The following CSPG4 variants were observed in gnomAD, a reference collection of about 807,000 sequenced individuals.
The protein encoded by CSPG4 is chondroitin sulfate proteoglycan 4.
A neutral mutation model predicts 139.3 loss-of-function variants in CSPG4; 74 were observed. The ratio of observed to expected loss-of-function variants is 0.53; its 90% CI spans 0.44 to 0.64. The LOEUF is 0.64. CSPG4 is among the 30% of genes least tolerant of loss of function. The pLI, the probability that CSPG4 is intolerant of heterozygous loss-of-function variation, is 0.00. For missense variants in CSPG4, 2,565 were observed against 3,148.3 expected (o/e 0.81, Z 4.43); for synonymous variants, 1,234 against 1,394.2 (o/e 0.89, Z 2.56).
chr15:75,685,887 G>A (rs973207524), intron 3 of CSPG4, among the ~76,000 whole-genome samples, 186 bp from the exon 4 acceptor site: 2 of 152,138 alleles, frequency 1.3e-5, no homozygotes, highest in African/African-American at 4.8e-5. Flanking sequence ...CATGCAGCTG[G>A]TCACATTTTT....
At chr15:75,703,926 G>A (rs1347764388) in intron 1 of CSPG4, among the ~76,000 whole-genome samples, 1 of 96,680 alleles carries the variant, frequency 1.0e-5, no homozygotes, top group East Asian at 2.4e-4. Context: ...GGTACAAGAT[G>A]GGGTGGTCTG....
At position 75,690,650 on chromosome 15, in the gene CSPG4, G is replaced by A. The variant is rs150562073; in HGVS notation, c.415C>T (p.Pro139Ser). Residue 139 changes from proline to serine, a missense_variant, in exon 3 of 10, where the codon CCC becomes TCC. Physicochemically the swap from Pro to Ser is moderately conservative, Grantham distance 74 (BLOSUM62 -1). Around this residue, in one of 5 missense-constraint regions of CSPG4, gnomAD observed 132 missense variants for 132.3 expected, o/e 1.00. Transcript: ENST00000308508. ...LNASSAVPGAPLEVPYGLFVG... is the reference protein window; with the variant it reads ...LNASSAVPGASLEVPYGLFVG... Reference sequence around the variant, plus strand: ...AAGAGCCCATAGGGGACCTCTAGGGGGGCTCCTGGGACTGCTGAGGAGGCG... The same window carrying A: ...AAGAGCCCATAGGGGACCTCTAGGGAGGCTCCTGGGACTGCTGAGGAGGCG... The A allele has an allele frequency of 1.6e-5, 25 of 1,612,078 alleles. No individual in the cohort carries two copies. The highest frequency in any genetic ancestry group is 2.0e-5 in the Non-Finnish European group (24 of 1,179,946).
intron 1 of CSPG4, among the ~76,000 whole-genome samples, chr15:75,710,585 T>C (rs1002904619): frequency 5.3e-5 from 8 of 152,158 alleles, no homozygotes; most frequent in Non-Finnish European, 1.2e-4. Flanking sequence ...TTGGCCCAGA[T>C]GGCCTCTAGG....
chr15:75,692,865 A>G (rs1390685663), intron 2 of CSPG4, among the ~76,000 whole-genome samples: 1 of 152,082 alleles, frequency 6.6e-6, no homozygotes, highest in Non-Finnish European at 1.5e-5. Context: ...GGCGGGAAAC[A>G]TGGTTGGAGG....
At position 75,677,227 on chromosome 15, in the gene CSPG4, C is replaced by A; in HGVS notation, c.5292G>T (p.Glu1764Asp). The change falls in exon 10 of 10, where the codon GAG (glutamate) becomes GAT (aspartate). Residue 1764 changes from glutamate (E) to aspartate (D), a missense_variant. By Grantham distance (45) the Glu-to-Asp change is conservative (BLOSUM62 2). Transcript: ENST00000308508. The part of the protein sequence containing the change: ...FPSRGQLLVS[E>D]EPLHAGQPHF... Reference sequence around the variant, plus strand: ...GGGGCTGCCCAGCATGGAGGGGCTCCTCGGACACCAACAGCTGGCCCCGGC... The same window carrying A: ...GGGGCTGCCCAGCATGGAGGGGCTCATCGGACACCAACAGCTGGCCCCGGC... 1 of 1,479,994 alleles carries A rather than the reference C, an allele frequency of 6.8e-7. No homozygotes were observed. Among genetic ancestry groups the A allele is most frequent in the South Asian group, 1.4e-5 (1 of 69,858 alleles). The allele number at this position is 1,479,994 out of a possible 1,614,324, so 91.7% of individuals were successfully genotyped here.
chr15:75,678,456 G>A (rs962414159), intron 8 of CSPG4: 5 of 356,248 alleles, frequency 1.4e-5, no homozygotes, highest in African/African-American at 4.3e-5. Context: ...GGGCTCAAGC[G>A]ATCCTCCCAC....
rs1185897331 is a variant in CSPG4 at position 75,676,958 on chromosome 15, G to T, written c.5561C>A (p.Ala1854Asp). ...TRGSRAPISR[A>D]QLSVVDPDSA... ...GTCTGGGTCCACCACACTCAGCTGG[G>T]CCCGGGAGATGGGGGCACGAGAGCC... The change falls in exon 10 of 10, where the codon GCC (alanine) becomes GAC (aspartate). Residue 1854 changes from alanine (A) to aspartate (D), a missense_variant. Transcript: ENST00000308508. 3 of 1,511,242 alleles carry T rather than the reference G, an allele frequency of 2.0e-6. No individual in the cohort carries two copies. The highest frequency in any genetic ancestry group is 4.3e-5 in the Admixed American group (2 of 46,582). The allele number at this position is 1,511,242 out of a possible 1,614,324, so 93.6% of individuals were successfully genotyped here. A position where few individuals can be genotyped will look rare whatever the true frequency, so the allele number is the denominator to read the frequency against.
chr15:75,682,186 C>T (rs1407788007), intron 8 of CSPG4, 107 bp downstream of exon 8: 49 of 1,395,736 alleles, frequency 3.5e-5, no homozygotes, highest in Non-Finnish European at 4.9e-5. Flanking sequence ...GGAACGTCTG[C>T]TGCCAGTGAT....
chr15:75,687,381 C>T lies in CSPG4; in HGVS notation c.3684G>A (p.Val1228=), dbSNP rs559836427. ...CCAGTGGGCCCTCTAGGGCAATGGT[C>T]ACTTGTAGGGTGGCATCCGTGTGCA... ...GPVHTDATLQ[V]TIALEGPLAP... The change falls in exon 3 of 10, where the codon GTG becomes GTA. Residue 1228 remains valine (V), a synonymous_variant. Coordinates refer to ENST00000308508, the MANE Select transcript of CSPG4 (RefSeq NM_001897.5). This position sits in a 1 kb window ranked among gnomAD's most constrained non-coding sequence, Gnocchi z 5.4. The T allele has an allele frequency of 6.2e-7, 1 of 1,612,968 alleles. No individual in the cohort carries two copies. The highest frequency in any genetic ancestry group is 1.7e-5 in the Admixed American group (1 of 60,034).
rs144233988 is a variant in CSPG4, at chr15:75,689,065, C to A, written c.2000G>T (p.Arg667Leu). The A allele has an allele frequency of 1.2e-6, 2 of 1,609,734 alleles. No individual in the cohort carries two copies. The highest frequency in any genetic ancestry group is 1.1e-5 in the South Asian group (1 of 90,904). The change falls in exon 3 of 10, where the codon CGC becomes CTC. Residue 667 changes from arginine to leucine, a missense_variant. Coordinates refer to ENST00000308508, the MANE Select transcript of CSPG4 (RefSeq NM_001897.5). Reference protein sequence around the residue: ...VAIRPAIQIHRSTGLRLAQGS... With the variant: ...VAIRPAIQIHLSTGLRLAQGS... Reference sequence around the variant, plus strand: ...TTGGGCCAGTCGCAACCCTGTGCTGCGGTGGATCTGTATGGCCGGCCGGAT... The same window carrying A: ...TTGGGCCAGTCGCAACCCTGTGCTGAGGTGGATCTGTATGGCCGGCCGGAT...
In CSPG4 at chr15:75,689,427, G is replaced by T. The variant is rs1487835635; in HGVS notation, c.1638C>A (p.Val546=). The T allele has an allele frequency of 3.1e-6, 5 of 1,612,684 alleles. No homozygotes were observed. The highest frequency in any genetic ancestry group is 3.3e-5 in the Admixed American group (2 of 59,992). ...TGTGGGGTGGGTCATTGACAGGGTT[G>T]ACCTGGATGGGCAGGAGGTATGTTT... ...RGQTYLLPIQ[V]NPVNDPPHII... The change falls in exon 3 of 10, where the codon GTC becomes GTA. Residue 546 remains valine, a synonymous_variant. Transcript: ENST00000308508.
chr15:75,706,644 C>T (rs1280653114), intron 1 of CSPG4, among the ~76,000 whole-genome samples: 1 of 151,788 alleles, frequency 6.6e-6, no homozygotes, highest in Non-Finnish European at 1.5e-5. Flanking sequence ...CTGGGGGTGG[C>T]GATACTGGAG....
At chr15:75,684,129 G>C (rs1292550326) in intron 5 of CSPG4, among the ~76,000 whole-genome samples, 1 of 149,816 alleles carries the variant, frequency 6.7e-6, no homozygotes, top group East Asian at 2.0e-4. Flanking sequence ...ATGCACCCCA[G>C]AAGCTGGGGT....
chr15:75,699,626 G>T (rs1194865383), intron 1 of CSPG4, among the ~76,000 whole-genome samples: 1 of 152,218 alleles, frequency 6.6e-6, no homozygotes, highest in Non-Finnish European at 1.5e-5. Context: ...CAACCCTGGG[G>T]CCTTGTGGAG....
At chr15:75,704,910 G>A (rs1361783313) in intron 1 of CSPG4, among the ~76,000 whole-genome samples, 1 of 152,188 alleles carries the variant, frequency 6.6e-6, no homozygotes. Flanking sequence ...CACGTCCCTG[G>A]GCCCTGGCCT....
chr15:75,710,401 C>T (rs950752263), intron 1 of CSPG4, among the ~76,000 whole-genome samples: 2 of 152,312 alleles, frequency 1.3e-5, no homozygotes, highest in South Asian at 2.1e-4. Context: ...AGCTGGACAC[C>T]GCATCTGTCA....
At position 75,676,842 on chromosome 15, in the gene CSPG4, G is replaced by T; in HGVS notation, c.5677C>A (p.Arg1893Ser). 1 of 1,558,510 alleles carries T rather than the reference G, an allele frequency of 6.4e-7. No individual in the cohort carries two copies. The highest frequency in any genetic ancestry group is 2.3e-5 in the East Asian group (1 of 44,196). Residue 1893 changes from arginine to serine, a missense_variant, in exon 10 of 10, where the codon CGC (arginine) becomes AGC (serine). Transcript: ENST00000308508. Reference protein sequence around the residue: ...LVGGGLGPVTRFTQADVDSGR... With the variant: ...LVGGGLGPVTSFTQADVDSGR... The stretch of plus-strand genomic sequence containing the variant: ...GAATCCACATCGGCTTGCGTGAAGC[G>T]GGTCACGGGCCCCAGGCCACCACCC...
Position 75,683,009 on chromosome 15 carries a change from C to T in CSPG4, c.4482G>A (p.Ala1494=), listed in dbSNP as rs753371543. 8.7e-6 allele frequency: 14 copies of T among 1,610,952 alleles called. No homozygotes were observed. Among genetic ancestry groups the T allele is most frequent in the South Asian group, 2.2e-5 (2 of 90,988 alleles). The change falls in exon 6 of 10, where the codon GCG becomes GCA. Residue 1494 remains alanine (A), a synonymous_variant. Transcript: ENST00000308508. ...CGCCGTCCGTGCTCCTCAGAGCCTC[C>T]GCAGGGATGGGCGCAGTGGCCCCCT... ...MWEGATAPIP[A]EALRSTDGDS... is the part of the protein sequence containing the mutation.
rs867651132 is a variant in CSPG4, at chr15:75,705,790, A to C, written c.88+6878T>G. 2.6e-5 allele frequency among the ~76,000 whole-genome samples: 4 copies of C among 152,092 alleles called. No homozygotes were observed. The South Asian group carries it at 6.2e-4, about 24-fold the overall frequency. ...TCTCAGCTGCTCGCAGACTCCCAAA[A>C]AGGGTGATTTGCTCCTCCTTGACCA... is the stretch of plus-strand genomic sequence containing the variant. On this transcript the variant is annotated intron_variant, in intron 1 of 9. Transcript: ENST00000308508.
Sources: gnomAD v4.1 joint callset for allele counts (sites outside exome capture counted in the v4.1 genomes callset) on GRCh38, gnomAD v4.1.1 for gene constraint, gnomAD v4.1.1 regional missense constraint, Gnocchi (gnomAD v3.1) non-coding constraint, MANE v1.5 for transcripts, NCBI Gene and HGNC (gene_info 2026-07-23, HGNC 2026-07-21) for gene names.